RAPGEF4: variants seen among roughly 807,000 people sequenced by gnomAD.
RAPGEF4 encodes RAP guanine-nucleotide-exchange factor (GEF) 4.
Under a neutral mutation model 147.9 loss-of-function variants are expected in RAPGEF4, and 66 were observed. That is an observed-to-expected ratio of 0.45 (90% CI 0.37 to 0.55). The LOEUF (loss-of-function observed/expected upper bound fraction) is 0.55, where lower values mean the gene tolerates loss of function less well. Among genes scored for constraint, RAPGEF4 ranks in the 20% least tolerant of loss-of-function variants. The pLI is 0.00. For missense variants in RAPGEF4, 1,071 were observed against 1,257.3 expected, an observed-to-expected ratio of 0.85 and a Z score of 2.24; for synonymous variants, 419 against 442.7, an observed-to-expected ratio of 0.95 and a Z score of 0.67.
At chr2:172,829,270 C>T (rs970959248) in intron 4 of RAPGEF4, among the ~76,000 whole-genome samples, 4 of 152,188 alleles carry the variant, frequency 2.6e-5, no homozygotes, top group Non-Finnish European at 2.9e-5. Context: ...CTGATACTGG[C>T]GTGGCAAGAG....
chr2:172,960,066 C>G lies in RAPGEF4; in HGVS notation c.538-694C>G, dbSNP rs190314048. Among the ~76,000 whole-genome samples the G allele has an allele frequency of 4.0e-3, 612 of 152,240 alleles. 3 individuals carry two copies. The highest frequency in any genetic ancestry group is 0.022 in the South Asian group (107 of 4,822). ...TAGGATCACACCACTGCACTCCAGCCTGGGCAACAGAGCAAGACCCCATCT... is the reference window on the plus strand; with the variant it reads ...TAGGATCACACCACTGCACTCCAGCGTGGGCAACAGAGCAAGACCCCATCT... On this transcript the variant is annotated intron_variant, in intron 6 of 30. Transcript: ENST00000397081.
rs1692651013 is a variant in RAPGEF4, at chr2:172,989,872, A to G, written c.1375-938A>G. ...AAATGTAGCTTTTGTGCTTTGGGGT[A>G]TATTCCCGTTACTTAATGATGATTT... On this transcript the variant is annotated intron_variant, in intron 14 of 30. Coordinates refer to ENST00000397081, the MANE Select transcript of RAPGEF4 (RefSeq NM_007023.4). Among the ~76,000 whole-genome samples the G allele has an allele frequency of 3.9e-5, 6 of 152,120 alleles. 1 individual carries two copies. In the South Asian group the frequency reaches 1.0e-3, roughly 26 times the overall value.
rs747948672 is a variant in RAPGEF4 at position 172,795,059 on chromosome 2, A to G, written c.100A>G (p.Ile34Val). The change falls in exon 2 of 31, where the codon ATC (isoleucine) becomes GTC (valine). Residue 34 changes from isoleucine (I) to valine (V), a missense_variant. Transcript: ENST00000397081. ...GCGATCCAGCGAAGATGTGGATATA[A>G]TCTTCACTCGACTGAAAGAAGTTAA... ...LERSSEDVDI[I>V]FTRLKEVKAF... The G allele has an allele frequency of 3.7e-6, 6 of 1,614,068 alleles. No individual in the cohort carries two copies. The highest frequency in any genetic ancestry group is 1.6e-4 in the Middle Eastern group (1 of 6,062).
chr2:172,751,122 C>T (rs1695246953), intron 1 of RAPGEF4, among the ~76,000 whole-genome samples: 1 of 152,190 alleles, frequency 6.6e-6, no homozygotes, highest in Admixed American at 6.5e-5. Context: ...CTTCTACCTG[C>T]CTCATACTGT....
chr2:172,769,901 A>G (rs2149486075), intron 1 of RAPGEF4, among the ~76,000 whole-genome samples: 1 of 152,276 alleles, frequency 6.6e-6, no homozygotes, highest in East Asian at 1.9e-4. Context: ...TGGCAACCCT[A>G]GGCTTACCAG....
At chr2:173,041,536 C>G (rs1010171068) in intron 29 of RAPGEF4, among the ~76,000 whole-genome samples, 7 of 152,112 alleles carry the variant, frequency 4.6e-5, no homozygotes, top group African/African-American at 1.4e-4. Flanking sequence ...AACATAAACA[C>G]ATGAAATATT....
chr2:173,030,675 C>T (rs527425179), intron 26 of RAPGEF4, among the ~76,000 whole-genome samples: 4 of 152,186 alleles, frequency 2.6e-5, no homozygotes, highest in Non-Finnish European at 4.4e-5. Flanking sequence ...TATCCAAGTA[C>T]TCATTTTGCT....
intron 5 of RAPGEF4, among the ~76,000 whole-genome samples, chr2:172,921,645 T>C (rs957497063): frequency 4.6e-5 from 7 of 152,194 alleles, no homozygotes; most frequent in African/African-American, 1.7e-4. Context: ...TAAAAAGGAA[T>C]AGGACTGCCT....
chr2:173,012,103 G>A (rs1318961258), intron 17 of RAPGEF4, among the ~76,000 whole-genome samples: 1 of 152,190 alleles, frequency 6.6e-6, no homozygotes, highest in African/African-American at 2.4e-5. Context: ...CATGATCTGA[G>A]AGAGAATTAA....
chr2:172,970,513 A>G (rs1240081469), intron 10 of RAPGEF4, among the ~76,000 whole-genome samples: 1 of 152,186 alleles, frequency 6.6e-6, no homozygotes, highest in Non-Finnish European at 1.5e-5. Context: ...AACTCTGATA[A>G]TTACTGGGAA....
chr2:172,991,732 A>C (rs532871154), intron 15 of RAPGEF4, among the ~76,000 whole-genome samples: 289 of 152,338 alleles, frequency 1.9e-3, no homozygotes, highest in African/African-American at 6.8e-3. Context: ...AGGAGAATGC[A>C]TCTCAAGTAA....
Position 173,051,830 on chromosome 2 carries a change from A to G in RAPGEF4, c.*63A>G, listed in dbSNP as rs1004851765. 10 of 1,575,956 alleles carry G rather than the reference A, an allele frequency of 6.3e-6. No individual in the cohort carries two copies. Among genetic ancestry groups the G allele is most frequent in the Non-Finnish European group, 8.7e-6 (10 of 1,149,190 alleles). On this transcript the variant is annotated 3_prime_UTR_variant, in exon 31 of 31. Transcript: ENST00000397081. ...CCACAATCTTTCAAAAATGCCATTT[A>G]TGCTACTACTGACTGTATTGCCACT...
chr2:172,753,986 C>T (rs1313165137), intron 1 of RAPGEF4, among the ~76,000 whole-genome samples: 1 of 152,020 alleles, frequency 6.6e-6, no homozygotes, highest in Non-Finnish European at 1.5e-5. Flanking sequence ...TTTATCCTTC[C>T]CAGGAGGAAA....
At chr2:172,876,051 G>T (rs982409714) in intron 4 of RAPGEF4, among the ~76,000 whole-genome samples, 5 of 152,206 alleles carry the variant, frequency 3.3e-5, no homozygotes, top group African/African-American at 1.2e-4. Context: ...CTGCTTGTCT[G>T]TTATTGGTGT....
Position 173,036,254 on chromosome 2 carries a change from T to A in RAPGEF4, c.2788+42T>A. ...GCACAGGCCAAGCAGGTGATGAGTATTTGGGGAGGGAAATGAACAATACCT... is the reference window on the plus strand; with the variant it reads ...GCACAGGCCAAGCAGGTGATGAGTAATTGGGGAGGGAAATGAACAATACCT... On this transcript the variant is annotated intron_variant, in intron 28 of 30. Coordinates refer to ENST00000397081, the MANE Select transcript of RAPGEF4 (RefSeq NM_007023.4). 4.9e-6 allele frequency: 7 copies of A among 1,433,184 alleles called. 1 individual carries two copies. Among genetic ancestry groups the A allele is most frequent in the Non-Finnish European group, 6.9e-6 (7 of 1,016,476 alleles). The allele number at this position is 1,433,184 out of a possible 1,614,324, so 88.8% of individuals were successfully genotyped here.
At chr2:172,973,114 T>C (rs920085813) in intron 10 of RAPGEF4, among the ~76,000 whole-genome samples, 15 of 148,998 alleles carry the variant, frequency 1.0e-4, no homozygotes, top group East Asian at 1.9e-4. Flanking sequence ...TTTCTTTTTT[T>C]TTTTTTTTCT....
At chr2:173,001,993 C>CAAAAAAAAAAAAAAAAAAAAAAA (rs11397728) in intron 17 of RAPGEF4, among the ~76,000 whole-genome samples, 7 of 79,320 alleles carry the variant, frequency 8.8e-5, no homozygotes, top group East Asian at 6.7e-4. Context: ...GTGATGCTGG[C>CAAAAAAAAAAAAAAAAAAAAAAA]AAAAAAAAAA....
chr2:172,785,645 G>A (rs1415880592), intron 1 of RAPGEF4, among the ~76,000 whole-genome samples: 1 of 152,066 alleles, frequency 6.6e-6, no homozygotes, highest in Non-Finnish European at 1.5e-5. Flanking sequence ...AAAGACGTCT[G>A]AAAATTTAAA....
intron 4 of RAPGEF4, among the ~76,000 whole-genome samples, chr2:172,835,380 A>G (rs1690810718): frequency 6.6e-6 from 1 of 152,234 alleles, no homozygotes; most frequent in Non-Finnish European, 1.5e-5. Flanking sequence ...TAAACTGTTG[A>G]CCAAGCTGCA....
Sources: gnomAD v4.1 joint callset for allele counts (sites outside exome capture counted in the v4.1 genomes callset) on GRCh38, gnomAD v4.1.1 for gene constraint, MANE v1.5 for transcripts, NCBI Gene and HGNC (gene_info 2026-07-23, HGNC 2026-07-21) for gene names.